DCAF8: variants seen among roughly 807,000 people sequenced by gnomAD.
DCAF8 encodes the protein DDB1- and CUL4-associated factor 8.
DCAF8 carries 20 observed loss-of-function variants against 68.0 expected under a neutral mutation model. That is an observed-to-expected ratio of 0.29 (90% CI 0.21 to 0.43). The LOEUF (loss-of-function observed/expected upper bound fraction) is 0.43, where lower values mean the gene tolerates loss of function less well. DCAF8 is among the 20% of genes least tolerant of loss of function. The pLI, the probability that DCAF8 is intolerant of heterozygous loss-of-function variation, is 1.00. For missense variants in DCAF8, 460 were observed against 771.0 expected (o/e 0.60, Z 4.78); for synonymous variants, 230 against 276.9 (o/e 0.83, Z 1.68).
chr1:160,239,329 T>C, intron 4 of DCAF8: 1 of 1,236,874 alleles, frequency 8.1e-7, no homozygotes, highest in Non-Finnish European at 1.1e-6. Flanking sequence ...ATTTTACAGA[T>C]AAACTGAAGA....
In DCAF8 at chr1:160,231,359, C is replaced by T. The variant is rs766567740; in HGVS notation, c.1008G>A (p.Thr336=). The change falls in exon 7 of 14, where the codon ACG becomes ACA. Residue 336 remains threonine (T), a synonymous_variant. Coordinates refer to ENST00000368074, the MANE Select transcript of DCAF8 (RefSeq NM_015726.4). ...KEKEKKVGLY[T]IYVNPANTHQ... is the part of the protein sequence containing the mutation. ...GGGTATTGGCAGGATTCACATAGAT[C>T]GTATACAGCCCCACTTTCTTCTCTT... 12 of 1,614,024 alleles carry T rather than the reference C, an allele frequency of 7.4e-6. No homozygotes were observed. Among genetic ancestry groups the T allele is most frequent in the African/African-American group, 4.0e-5 (3 of 74,912 alleles).
intron 2 of DCAF8, among the ~76,000 whole-genome samples, chr1:160,248,770 T>G (rs1263052180): frequency 1.3e-5 from 2 of 151,856 alleles, no homozygotes; most frequent in Non-Finnish European, 2.9e-5. Context: ...GGCTCACACC[T>G]GTAATCCCAA....
chr1:160,240,270 C>G lies in DCAF8; in HGVS notation c.150G>C (p.Leu50Phe). The G allele has an allele frequency of 9.3e-6, 15 of 1,614,060 alleles. No individual in the cohort carries two copies. The highest frequency in any genetic ancestry group is 1.3e-5 in the Non-Finnish European group (15 of 1,179,998). The change falls in exon 4 of 14, where the codon TTG (leucine) becomes TTC (phenylalanine). Residue 50 changes from leucine (L) to phenylalanine (F), a missense_variant. This residue lies in a region of DCAF8 where 156 missense variants were observed against 181.4 expected (regional missense o/e 0.86). Coordinates refer to ENST00000368074, the MANE Select transcript of DCAF8 (RefSeq NM_015726.4). ...EVEASDLSLS[L>F]TGDDGGPNRT... ...GGTTGGGGCCACCATCATCCCCAGT[C>G]AAGCTCAAACTCAGGTCTGAGGCCT...
chr1:160,248,659 C>T (rs901744795), intron 2 of DCAF8, among the ~76,000 whole-genome samples: 19 of 150,634 alleles, frequency 1.3e-4, no homozygotes, highest in South Asian at 2.1e-4. Flanking sequence ...GCTGCGATCG[C>T]GCCACTGCAC....
At chr1:160,257,118 C>T (rs1374065052) in intron 2 of DCAF8, among the ~76,000 whole-genome samples, 1 of 152,134 alleles carries the variant, frequency 6.6e-6, no homozygotes, top group African/African-American at 2.4e-5. Context: ...TACTATAAAG[C>T]TAATCTAAAA....
chr1:160,247,590 A>C (rs1189967498), intron 2 of DCAF8, among the ~76,000 whole-genome samples: 2 of 152,190 alleles, frequency 1.3e-5, no homozygotes, highest in African/African-American at 4.8e-5. Context: ...TTGGGGCCAG[A>C]AGTGTTTCAA....
At chr1:160,246,931 G>C (rs10908771) in intron 2 of DCAF8, among the ~76,000 whole-genome samples, 97,802 of 152,104 alleles carry the variant, frequency 0.64, 32,959 homozygotes, top group African/African-American at 0.86. Context: ...TTCTCTCCAG[G>C]CAGGACGACA....
At chr1:160,219,060 G>C (rs991427892) in intron 11 of DCAF8, 92 bp from the exon 12 acceptor site, 1 of 1,547,802 alleles carries the variant, frequency 6.5e-7, no homozygotes, top group East Asian at 2.3e-5. Context: ...AACTGCCCTT[G>C]ATCAGGGCTG....
chr1:160,248,881 G>C (rs1413339577), intron 2 of DCAF8, among the ~76,000 whole-genome samples: 1 of 150,172 alleles, frequency 6.7e-6, no homozygotes, highest in Admixed American at 6.6e-5. Flanking sequence ...CTACGCAACA[G>C]AGTGACACCA....
intron 6 of DCAF8, among the ~76,000 whole-genome samples, chr1:160,234,017 G>C (rs1050250184): frequency 6.6e-6 from 1 of 152,120 alleles, no homozygotes; most frequent in Non-Finnish European, 1.5e-5. Context: ...GGATTTCTTT[G>C]AAGAATACCT....
chr1:160,260,225 G>A (rs895806819), intron 2 of DCAF8, among the ~76,000 whole-genome samples: 1 of 152,142 alleles, frequency 6.6e-6, no homozygotes, highest in African/African-American at 2.4e-5. Context: ...TAGAGTTGTG[G>A]AAATTAAGAG....
chr1:160,236,121 C>G (rs1369020693), intron 6 of DCAF8, among the ~76,000 whole-genome samples: 2 of 151,984 alleles, frequency 1.3e-5, no homozygotes, highest in Non-Finnish European at 2.9e-5. Flanking sequence ...TACTTTATTA[C>G]TTGAATCTCT....
intron 2 of DCAF8, among the ~76,000 whole-genome samples, chr1:160,257,772 C>T (rs926030570): frequency 3.3e-5 from 5 of 152,184 alleles, no homozygotes; most frequent in Admixed American, 3.3e-4. Context: ...ACTGCAGAGG[C>T]GCAATCTCAG....
At chr1:160,250,234 C>T (rs996590786) in intron 2 of DCAF8, among the ~76,000 whole-genome samples, 3 of 152,098 alleles carry the variant, frequency 2.0e-5, no homozygotes, top group Admixed American at 6.6e-5. Context: ...GAGGCCAAGG[C>T]GGGCAGATCA....
intron 2 of DCAF8, among the ~76,000 whole-genome samples, chr1:160,246,136 C>T (rs1446183685): frequency 3.3e-5 from 5 of 151,130 alleles, no homozygotes; most frequent in African/African-American, 9.7e-5. Flanking sequence ...GAGCAAACTC[C>T]GTCTCAAAAA....
At position 160,218,910 on chromosome 1, in the gene DCAF8, T is replaced by C. The variant is rs1193968171; in HGVS notation, c.1499A>G (p.His500Arg). 1 of 1,614,214 alleles carries C rather than the reference T, an allele frequency of 6.2e-7. No individual in the cohort carries two copies. Among genetic ancestry groups the C allele is most frequent in the Non-Finnish European group, 8.5e-7 (1 of 1,180,038 alleles). Residue 500 changes from histidine (H) to arginine (R), a missense_variant, in exon 12 of 14, where the codon CAT becomes CGT. Coordinates refer to ENST00000368074, the MANE Select transcript of DCAF8 (RefSeq NM_015726.4). Reference protein sequence around the residue: ...LPVLATSGLDHDVKIWAPTAE... With the variant: ...LPVLATSGLDRDVKIWAPTAE... ...TGTGGGTGCCCAGATCTTCACATCATGGTCTAGGCCACTGGTTGCCAGCAC... is the reference window on the plus strand; with the variant it reads ...TGTGGGTGCCCAGATCTTCACATCACGGTCTAGGCCACTGGTTGCCAGCAC...
intron 2 of DCAF8, among the ~76,000 whole-genome samples, chr1:160,251,253 G>A (rs891235425): frequency 4.6e-5 from 7 of 152,192 alleles, no homozygotes; most frequent in African/African-American, 1.7e-4. Context: ...ATGAGCAGCT[G>A]TTCAGGGTTG....
Position 160,216,232 on chromosome 1 carries a change from G to A in DCAF8, c.*1360C>T, listed in dbSNP as rs1353369163. 2 of 152,060 alleles carry A rather than the reference G, an allele frequency of 1.3e-5. No homozygotes were observed. The highest frequency in any genetic ancestry group is 4.8e-5 in the African/African-American group (2 of 41,382). The allele number at this position is 152,060 out of a possible 1,614,324, so 9.4% of individuals were successfully genotyped here. A position where few individuals can be genotyped will look rare whatever the true frequency, so the allele number is the denominator to read the frequency against. On this transcript the variant is annotated 3_prime_UTR_variant, in exon 14 of 14. Coordinates refer to ENST00000368074, the MANE Select transcript of DCAF8 (RefSeq NM_015726.4). Reference sequence around the variant, plus strand: ...TTCCCTTCACTCTTCTATAAAGAAGGGAACTGGCATGAAGTTGGATGGCTT... The same window carrying A: ...TTCCCTTCACTCTTCTATAAAGAAGAGAACTGGCATGAAGTTGGATGGCTT...
intron 2 of DCAF8, among the ~76,000 whole-genome samples, chr1:160,248,909 A>C (rs1013540250): frequency 6.7e-6 from 1 of 149,044 alleles, no homozygotes; most frequent in Non-Finnish European, 1.5e-5. Context: ...AAAAAAAAAG[A>C]GGGCGGGTGT....
Sources: allele counts gnomAD v4.1 joint callset (sites outside exome capture counted in the v4.1 genomes callset), GRCh38; gene constraint gnomAD v4.1.1; regional missense constraint gnomAD v4.1.1; transcripts MANE v1.5; gene names NCBI Gene and HGNC (gene_info 2026-07-23, HGNC 2026-07-21).